Variants in DAB1 observed in about 807,000 individuals in gnomAD.
DAB1 encodes the protein DAB adaptor protein 1.
DAB1 carries 15 observed loss-of-function variants against 64.6 expected under a neutral mutation model. The observed-to-expected ratio is 0.23, with a 90% CI of 0.16 to 0.36. DAB1 has a LOEUF of 0.36. DAB1 is among the 10% of genes least tolerant of loss of function. The pLI, the probability that DAB1 is intolerant of heterozygous loss-of-function variation, is 1.00. For synonymous variants in DAB1, 235 were observed against 251.9 expected (o/e 0.93, Z 0.64); for missense variants, 596 against 706.7 (o/e 0.84, Z 1.78).
chr1:57,497,564 G>T (rs1404901635), intron 7 of DAB1, among the ~76,000 whole-genome samples: 1 of 152,206 alleles, frequency 6.6e-6, no homozygotes, highest in African/African-American at 2.4e-5. Context: ...CTTATCATCA[G>T]CAGAAGTGAG....
intron 7 of DAB1, among the ~76,000 whole-genome samples, chr1:57,523,671 C>A (rs974253453): frequency 2.0e-5 from 3 of 152,148 alleles, no homozygotes; most frequent in Non-Finnish European, 4.4e-5. Context: ...CCTGTAATCC[C>A]AGCACTTCGG....
chr1:58,224,345 A>G (rs983871955), intron 4 of DAB1, among the ~76,000 whole-genome samples: 4 of 152,240 alleles, frequency 2.6e-5, no homozygotes, highest in Non-Finnish European at 5.9e-5. Flanking sequence ...AGTAGCCTCA[A>G]TGAGTAAAGC....
intron 1 of DAB1, among the ~76,000 whole-genome samples, chr1:57,403,737 ACT>A (rs1358225425): frequency 6.6e-6 from 1 of 152,156 alleles, no homozygotes; most frequent in Non-Finnish European, 1.5e-5. Context: ...GCCTACGTTC[ACT>A]CTATTCTTTG....
At chr1:57,048,667 T>TG (rs1346473209) in intron 9 of DAB1, among the ~76,000 whole-genome samples, 4 of 152,092 alleles carry the variant, frequency 2.6e-5, no homozygotes, top group Non-Finnish European at 4.4e-5. Context: ...AGTTAGTAGG[T>TG]GGGGGGGCTT....
chr1:57,299,963 C>G (rs1422112528), intron 1 of DAB1, among the ~76,000 whole-genome samples: 35 of 152,166 alleles, frequency 2.3e-4, no homozygotes, highest in Admixed American at 2.3e-3. Flanking sequence ...AGCTCATACT[C>G]TTCTCCCACC....
intron 12 of DAB1, among the ~76,000 whole-genome samples, chr1:57,012,985 G>A (rs1646309804): frequency 6.6e-6 from 1 of 151,666 alleles, no homozygotes; most frequent in South Asian, 2.1e-4. Flanking sequence ...CTCAGTCTGG[G>A]GCAATTTCAT....
intron 5 of DAB1, among the ~76,000 whole-genome samples, chr1:57,933,110 G>A (rs1644976822): frequency 6.6e-6 from 1 of 152,200 alleles, no homozygotes; most frequent in African/African-American, 2.4e-5. Context: ...CAAAGGTGTG[G>A]AGTCTCCCTT....
chr1:57,668,709 C>T (rs2101680553), intron 6 of DAB1, among the ~76,000 whole-genome samples: 1 of 152,100 alleles, frequency 6.6e-6, no homozygotes, highest in East Asian at 1.9e-4. Flanking sequence ...AAAGTTAAGA[C>T]AAAAGGACAC....
intron 7 of DAB1, among the ~76,000 whole-genome samples, chr1:57,476,729 T>G (rs955099351): frequency 6.6e-6 from 1 of 152,174 alleles, no homozygotes; most frequent in African/African-American, 2.4e-5. Context: ...AGCAGTTAAT[T>G]GCAACATGGT....
At chr1:57,902,275 T>C (rs537886546) in intron 5 of DAB1, among the ~76,000 whole-genome samples, 1 of 152,252 alleles carries the variant, frequency 6.6e-6, no homozygotes, top group African/African-American at 2.4e-5. Context: ...GCCACGTGTC[T>C]TATCTTTTTC....
chr1:57,501,978 C>T (rs1276107610), intron 7 of DAB1, among the ~76,000 whole-genome samples: 1 of 152,036 alleles, frequency 6.6e-6, no homozygotes, highest in East Asian at 1.9e-4. Context: ...ACTTCCTATC[C>T]TCACTGTTCT....
At chr1:57,695,259 AGG>A (rs1646810392) in intron 6 of DAB1, among the ~76,000 whole-genome samples, 2 of 12,454 alleles carry the variant, frequency 1.6e-4, no homozygotes, top group Non-Finnish European at 2.3e-4. Flanking sequence ...GAAAGAAAGA[AGG>A]AAGGAAGGAA....
intron 7 of DAB1, among the ~76,000 whole-genome samples, chr1:57,511,185 A>G (rs1466731626): frequency 6.6e-6 from 1 of 152,234 alleles, no homozygotes; most frequent in African/African-American, 2.4e-5. Context: ...CCAAATAGAT[A>G]GAAATCTAAT....
At chr1:57,644,541 A>G (rs555492943) in intron 7 of DAB1, among the ~76,000 whole-genome samples, 7 of 148,996 alleles carry the variant, frequency 4.7e-5, no homozygotes, top group East Asian at 1.9e-4. Flanking sequence ...GTGCATGCAC[A>G]TATGTGTGTG....
At chr1:58,338,440 C>T (rs1663173529) in intron 4 of DAB1, among the ~76,000 whole-genome samples, 1 of 152,300 alleles carries the variant, frequency 6.6e-6, no homozygotes, top group Non-Finnish European at 1.5e-5. Context: ...AGATATTCTT[C>T]AATGTTTGTG....
At chr1:57,273,379 G>C (rs900655630) in intron 2 of DAB1, among the ~76,000 whole-genome samples, 1 of 152,116 alleles carries the variant, frequency 6.6e-6, no homozygotes, top group African/African-American at 2.4e-5. Context: ...CAGTGACAAA[G>C]CAGGGCAGGA....
chr1:58,335,939 T>C (rs1663107290), intron 4 of DAB1, among the ~76,000 whole-genome samples: 1 of 152,122 alleles, frequency 6.6e-6, no homozygotes, highest in South Asian at 2.1e-4. Flanking sequence ...TGAATGAACG[T>C]GGAAAATAGG....
intron 5 of DAB1, among the ~76,000 whole-genome samples, chr1:58,006,115 T>A (rs1050154984): frequency 2.6e-5 from 4 of 152,240 alleles, no homozygotes; most frequent in Non-Finnish European, 5.9e-5. Flanking sequence ...CTTGGGGCCA[T>A]GTCCATTTCT....
intron 5 of DAB1, among the ~76,000 whole-genome samples, chr1:58,118,550 C>CATATATATAAAATACATATATATACAT (rs1652519718): frequency 2.5e-5 from 2 of 80,396 alleles, no homozygotes; most frequent in African/African-American, 1.1e-4. Flanking sequence ...CATATATATA[C>CATATATATAAAATACATATATATACAT]ATATATATAA....
Sources: allele counts gnomAD v4.1 joint callset (sites outside exome capture counted in the v4.1 genomes callset), GRCh38; gene constraint gnomAD v4.1.1; transcripts MANE v1.5; gene names NCBI Gene and HGNC (gene_info 2026-07-23, HGNC 2026-07-21).